The following ANKAR variants were observed in gnomAD, a reference collection of about 807,000 sequenced individuals.
ANKAR encodes the protein ankyrin and armadillo repeat containing, also known as ankyrin and armadillo repeat-containing protein.
A neutral mutation model predicts 146.2 loss-of-function variants in ANKAR; 136 were observed. That is an observed-to-expected ratio of 0.93 (90% CI 0.81 to 1.07). The LOEUF (loss-of-function observed/expected upper bound fraction) is 1.07, where lower values mean the gene tolerates loss of function less well. Among genes scored for constraint, ANKAR ranks in the 50% least tolerant of loss-of-function variants. ANKAR has a pLI of 0.00. For missense variants in ANKAR, 1,567 were observed against 1,679.9 expected, an observed-to-expected ratio of 0.93 and a Z score of 1.18; for synonymous variants, 500 against 575.8, an observed-to-expected ratio of 0.87 and a Z score of 1.88.
At chr2:189,680,335 T>C (rs1463198569) in intron 2 of ANKAR, among the ~76,000 whole-genome samples, 1 of 152,196 alleles carries the variant, frequency 6.6e-6, no homozygotes, top group East Asian at 1.9e-4. Flanking sequence ...TTCTCTCTCT[T>C]TTCTTGGTTA....
At chr2:189,727,810 T>A in intron 12 of ANKAR, 46 bp from the exon 13 acceptor site, 6 of 1,587,820 alleles carry the variant, frequency 3.8e-6, no homozygotes, top group Non-Finnish European at 5.2e-6. Flanking sequence ...TTGATATTCT[T>A]ATTTTTCATA....
At chr2:189,715,099 C>T (rs1306055102) in intron 10 of ANKAR, among the ~76,000 whole-genome samples, 1 of 151,900 alleles carries the variant, frequency 6.6e-6, no homozygotes, top group Non-Finnish European at 1.5e-5. Context: ...CAGAGCAGAA[C>T]TGAAGGAGAT....
At chr2:189,761,344 T>C (rs889452615), downstream of ANKAR, 2 of 1,490,672 alleles carry the variant, frequency 1.3e-6, no homozygotes, top group Non-Finnish European at 1.8e-6. Flanking sequence ...CTGAAAACTT[T>C]TATATATGAC....
chr2:189,716,925 A>T (rs1334258709), intron 10 of ANKAR, among the ~76,000 whole-genome samples: 4 of 152,156 alleles, frequency 2.6e-5, no homozygotes, highest in Admixed American at 6.5e-5. Context: ...CTTATACCTT[A>T]TATAAAAATT....
intron 16 of ANKAR, among the ~76,000 whole-genome samples, chr2:189,730,960 C>A (rs771172370): frequency 6.6e-6 from 1 of 152,060 alleles, no homozygotes; most frequent in Non-Finnish European, 1.5e-5. Flanking sequence ...TAAAACTGGG[C>A]GGCGATAGTG....
chr2:189,732,235 T>C (rs964163707), intron 16 of ANKAR, among the ~76,000 whole-genome samples: 1 of 152,238 alleles, frequency 6.6e-6, no homozygotes, highest in African/African-American at 2.4e-5. Flanking sequence ...ACTTATCTAC[T>C]GAGTCCCAAT....
Position 189,719,623 on chromosome 2 carries a change from A to G in ANKAR, c.2276A>G (p.Gln759Arg), listed in dbSNP as rs763175796. The G allele has an allele frequency of 1.9e-6, 3 of 1,613,396 alleles. No homozygotes were observed. The highest frequency in any genetic ancestry group is 1.3e-5 in the African/African-American group (1 of 75,050). Residue 759 changes from glutamine to arginine, a missense_variant, in exon 11 of 23, where the codon CAG (glutamine) becomes CGG (arginine). Coordinates refer to ENST00000684021, the MANE Select transcript of ANKAR (RefSeq NM_001378068.1). ...TTAAAAAGTTCCAAAATAAAACTGC[A>G]GTGCAAAACTGTTGGGTTATTGAGT... Reference protein sequence around the residue: ...NLLKSSKIKLQCKTVGLLSNI... With the variant: ...NLLKSSKIKLRCKTVGLLSNI...
chr2:189,734,377 C>T (rs76505153), intron 17 of ANKAR, among the ~76,000 whole-genome samples: 7 of 152,274 alleles, frequency 4.6e-5, no homozygotes, highest in South Asian at 4.2e-4. Flanking sequence ...CTTCCTTCTA[C>T]GTTTATTAGT....
At position 189,733,091 on chromosome 2, in the gene ANKAR, A is replaced by G. The variant is rs1016749663; in HGVS notation, c.3301-16A>G. 5 of 1,592,320 alleles carry G rather than the reference A, an allele frequency of 3.1e-6. No homozygotes were observed. The highest frequency in any genetic ancestry group is 4.3e-6 in the Non-Finnish European group (5 of 1,171,226). On this transcript the variant is annotated splice_polypyrimidine_tract_variant and intron_variant, in intron 16 of 22. Coordinates refer to ENST00000684021, the MANE Select transcript of ANKAR (RefSeq NM_001378068.1). ...AAGCATAATTGAAAAGTAATTTCTG[A>G]AAACCACATGTTTAGGTTGAAGTGG...
At chr2:189,709,643 T>G (rs2039430326) in intron 9 of ANKAR, among the ~76,000 whole-genome samples, 4 of 152,232 alleles carry the variant, frequency 2.6e-5, no homozygotes, top group Admixed American at 1.3e-4. Context: ...TTCAACCCCA[T>G]TCTACTGATT....
rs780869669 is a variant in ANKAR, at chr2:189,738,604, A to G, written c.3622A>G (p.Ile1208Val). The change falls in exon 19 of 23, where the codon ATT (isoleucine) becomes GTT (valine). Residue 1208 changes from isoleucine to valine, a missense_variant. Coordinates refer to ENST00000684021, the MANE Select transcript of ANKAR (RefSeq NM_001378068.1). The stretch of plus-strand genomic sequence containing the variant: ...TAAAGTCATTAGAGATATGGACCAT[A>G]TTACTTTGTCTGCAAGAGGTGTTAC... ...LAKVIRDMDH[I>V]TLSARGVTIL... 4 of 1,611,934 alleles carry G rather than the reference A, an allele frequency of 2.5e-6. No individual in the cohort carries two copies. Among genetic ancestry groups the G allele is most frequent in the Admixed American group, 3.3e-5 (2 of 59,906 alleles).
At chr2:189,729,715 T>TGTGTGTGTGTGTGTGTGTGTGTGTGTGG (rs61101787) in intron 15 of ANKAR, among the ~76,000 whole-genome samples, 15,712 of 140,872 alleles carry the variant, frequency 0.11, 1,481 homozygotes, top group Middle Eastern at 0.15. Context: ...TGTGTGTGTG[T>TGTGTGTGTGTGTGTGTGTGTGTGTGTGG]GGTGCGGGTG....
At chr2:189,757,145 A>G (rs1559171717) in intron 18 of ANKAR, among the ~76,000 whole-genome samples, 1 of 152,244 alleles carries the variant, frequency 6.6e-6, no homozygotes, top group Non-Finnish European at 1.5e-5. Flanking sequence ...AGAGGCAGGG[A>G]AACCACTGAG....
intron 10 of ANKAR, among the ~76,000 whole-genome samples, chr2:189,714,182 T>G (rs978741803): frequency 6.6e-6 from 1 of 152,176 alleles, no homozygotes; most frequent in Non-Finnish European, 1.5e-5. Flanking sequence ...AACACCCCAC[T>G]GTCAATATTA....
intron 10 of ANKAR, among the ~76,000 whole-genome samples, chr2:189,713,985 T>C (rs886073875): frequency 6.6e-6 from 1 of 152,094 alleles, no homozygotes; most frequent in African/African-American, 2.4e-5. Context: ...TAAAACAGAC[T>C]TTCAACTAAC....
intron 5 of ANKAR, among the ~76,000 whole-genome samples, chr2:189,694,214 A>T (rs891132059): frequency 2.8e-5 from 4 of 141,750 alleles, no homozygotes; most frequent in Non-Finnish European, 4.8e-5. Flanking sequence ...TTGGCAACAG[A>T]GTAAGACCTT....
At chr2:189,716,656 AG>A (rs2040502529) in intron 10 of ANKAR, among the ~76,000 whole-genome samples, 1 of 152,248 alleles carries the variant, frequency 6.6e-6, no homozygotes, top group South Asian at 2.1e-4. Context: ...AAAAGAACAA[AG>A]CTGGAGCAAT....
chr2:189,681,917 T>C (rs1455741950), intron 2 of ANKAR, among the ~76,000 whole-genome samples: 2 of 152,260 alleles, frequency 1.3e-5, no homozygotes, highest in African/African-American at 4.8e-5. Context: ...TCATCTACTT[T>C]GGCTTATCTC....
At chr2:189,709,074 C>T (rs1284764884) in intron 9 of ANKAR, among the ~76,000 whole-genome samples, 4 of 151,802 alleles carry the variant, frequency 2.6e-5, no homozygotes, top group Non-Finnish European at 5.9e-5. Flanking sequence ...ACAGTCCATC[C>T]TGTGACAGAG....
Sources: gnomAD v4.1 joint callset for allele counts (sites outside exome capture counted in the v4.1 genomes callset) on GRCh38, gnomAD v4.1.1 for gene constraint, MANE v1.5 for transcripts, NCBI Gene and HGNC (gene_info 2026-07-23, HGNC 2026-07-21) for gene names.